Variants in KCNG1 observed in about 807,000 individuals in gnomAD.
The protein encoded by KCNG1 is voltage-gated potassium channel regulatory subunit KCNG1.
KCNG1 carries 17 observed loss-of-function variants against 32.4 expected under a neutral mutation model. The ratio of observed to expected loss-of-function variants is 0.52; its 90% CI spans 0.36 to 0.79. The LOEUF (loss-of-function observed/expected upper bound fraction) is 0.79. Among genes scored for constraint, KCNG1 ranks in the 30% least tolerant of loss-of-function variants. KCNG1 has a pLI of 0.00. For synonymous variants in KCNG1, 358 were observed against 339.9 expected (o/e 1.05, Z -0.59); for missense variants, 441 against 735.2 (o/e 0.60, Z 4.63).
Position 51,003,816 on chromosome 20 carries a change from C to G in KCNG1, c.*223G>C, listed in dbSNP as rs2123197800. 1.8e-6 allele frequency: 1 copy of G among 555,610 alleles called. No homozygotes were observed. The highest frequency in any genetic ancestry group is 3.0e-5 in the East Asian group (1 of 33,016). The allele number at this position is 555,610 out of a possible 1,614,324, so 34.4% of individuals were successfully genotyped here. A position where few individuals can be genotyped will look rare whatever the true frequency, so the allele number is the denominator to read the frequency against. ...GGTGGGCGGGGCTGGGCTGATGACCCAGCTTCCTTTCACGGCTGCAGGCGG... is the reference window on the plus strand; with the variant it reads ...GGTGGGCGGGGCTGGGCTGATGACCGAGCTTCCTTTCACGGCTGCAGGCGG... On this transcript the variant is annotated 3_prime_UTR_variant, in exon 3 of 3. Coordinates refer to ENST00000371571, the MANE Select transcript of KCNG1 (RefSeq NM_002237.4).
rs750851010 is a variant in KCNG1 at position 51,015,343 on chromosome 20, G to T, written c.-26-4979C>A. Reference sequence around the variant, plus strand: ...ATGGTGAGCTGAGTCAGAGGAAGCTGTTCCTGGCTGTGGGATTATGGACAG... The same window carrying T: ...ATGGTGAGCTGAGTCAGAGGAAGCTTTTCCTGGCTGTGGGATTATGGACAG... On this transcript the variant is annotated intron_variant, in intron 1 of 2. Coordinates refer to ENST00000371571, the MANE Select transcript of KCNG1 (RefSeq NM_002237.4). The surrounding 1 kb of genome is among the most constrained non-coding windows in gnomAD (Gnocchi z 4.4). Among the ~76,000 whole-genome samples the T allele has an allele frequency of 1.8e-4, 27 of 152,174 alleles. No homozygotes were observed. The highest frequency in any genetic ancestry group is 5.9e-4 in the Admixed American group (9 of 15,284).
chr20:51,013,592 C>G (rs1325000160), intron 1 of KCNG1: 1 of 152,156 alleles, frequency 6.6e-6, no homozygotes, highest in Non-Finnish European at 1.5e-5. Context: ...TTTACAAAAG[C>G]ACATCATCCC....
chr20:51,010,252 G>A lies in KCNG1; in HGVS notation c.87C>T (p.Leu29=), dbSNP rs746064109. The A allele has an allele frequency of 7.2e-6, 11 of 1,536,262 alleles. No individual in the cohort carries two copies. Among genetic ancestry groups the A allele is most frequent in the African/African-American group, 6.9e-5 (5 of 72,900 alleles). The change falls in exon 2 of 3, where the codon CTC becomes CTT. Residue 29 remains leucine, a synonymous_variant. Coordinates refer to ENST00000371571, the MANE Select transcript of KCNG1 (RefSeq NM_002237.4). ...CGCCCTTGATGGCCTGGCGCTGCGG[G>A]AGGAAGGCCGGGTGGAAGGAGGCGT... ...TSDASFHPAF[L]PQRQAIKGAF... is the part of the protein sequence containing the mutation.
rs759890083 is a variant in KCNG1, at chr20:51,004,059, C to A, written c.1522G>T (p.Asp508Tyr). The change falls in exon 3 of 3, where the codon GAC becomes TAC. Residue 508 changes from aspartate to tyrosine, a missense_variant. By Grantham distance (160) the Asp-to-Tyr change is radical. Around this residue, in one of 6 missense-constraint regions of KCNG1, gnomAD observed 53 missense variants for 79.1 expected, o/e 0.67. Coordinates refer to ENST00000371571, the MANE Select transcript of KCNG1 (RefSeq NM_002237.4). This position sits in a 1 kb window ranked among gnomAD's most constrained non-coding sequence, Gnocchi z 4.3. ...CGCGCTCAGTTATTGTCTCTGGTGTCCGAGGAGGCACTTCCGAACAAGATG... is the reference window on the plus strand; with the variant it reads ...CGCGCTCAGTTATTGTCTCTGGTGTACGAGGAGGCACTTCCGAACAAGATG... ...SDILFGSASS[D>Y]TRDNN The A allele has an allele frequency of 2.5e-6, 4 of 1,614,134 alleles. No homozygotes were observed. The highest frequency in any genetic ancestry group is 3.4e-6 in the Non-Finnish European group (4 of 1,179,980).
chr20:51,015,882 T>G lies in KCNG1; in HGVS notation c.-26-5518A>C, dbSNP rs1988264526. ...GATGGAGCGGCAGAGGGCTGCGGCA[T>G]GAGAATGACTCCACTGGCCACTGCT... On this transcript the variant is annotated intron_variant, in intron 1 of 2. Coordinates refer to ENST00000371571, the MANE Select transcript of KCNG1 (RefSeq NM_002237.4). The surrounding 1 kb of genome is among the most constrained non-coding windows in gnomAD (Gnocchi z 4.4). Among the ~76,000 whole-genome samples the G allele has an allele frequency of 6.6e-6, 1 of 152,082 alleles. No homozygotes were observed. The highest frequency in any genetic ancestry group is 2.1e-4 in the South Asian group (1 of 4,832).
chr20:51,009,792 C>G lies in KCNG1; in HGVS notation c.547G>C (p.Glu183Gln), dbSNP rs1315371780. The change falls in exon 2 of 3, where the codon GAG becomes CAG. Residue 183 changes from glutamate (E) to glutamine (Q), a missense_variant. By Grantham distance (29) the Glu-to-Gln change is conservative. Coordinates refer to ENST00000371571, the MANE Select transcript of KCNG1 (RefSeq NM_002237.4). Reference sequence around the variant, plus strand: ...CTGTCCAGCGCGTCGTCCTCTTCCTCCCGCTCCACCATCTCCGCGAACTCC... The same window carrying G: ...CTGTCCAGCGCGTCGTCCTCTTCCTGCCGCTCCACCATCTCCGCGAACTCC... ...IEEFAEMVER[E>Q]EEDDALDSEG... 1.2e-6 allele frequency: 2 copies of G among 1,612,206 alleles called. No individual in the cohort carries two copies. Among genetic ancestry groups the G allele is most frequent in the Admixed American group, 1.7e-5 (1 of 60,010 alleles).
At chr20:51,012,978 T>C (rs1988149835) in intron 1 of KCNG1, among the ~76,000 whole-genome samples, 1 of 152,152 alleles carries the variant, frequency 6.6e-6, no homozygotes, top group South Asian at 2.1e-4. Flanking sequence ...CATAGAGAAG[T>C]TAGTAGGAGT....
chr20:51,018,945 C>T (rs377449537), intron 1 of KCNG1, among the ~76,000 whole-genome samples: 4 of 151,970 alleles, frequency 2.6e-5, no homozygotes, highest in African/African-American at 4.8e-5. Context: ...TTCATATGGA[C>T]GAGATTTTGG....
chr20:51,014,976 G>A (rs753947040), intron 1 of KCNG1, among the ~76,000 whole-genome samples: 1 of 152,332 alleles, frequency 6.6e-6, no homozygotes, highest in Admixed American at 6.5e-5. Flanking sequence ...GCGAGGGGAA[G>A]CTGGGAGAAG....
intron 1 of KCNG1, among the ~76,000 whole-genome samples, chr20:51,018,097 C>T (rs1021611975): frequency 2.0e-5 from 3 of 152,290 alleles, no homozygotes; most frequent in African/African-American, 7.2e-5. Flanking sequence ...CACGTGACCA[C>T]CCTGAGGTCA....
Position 51,017,964 on chromosome 20 carries a change from C to T in KCNG1, c.-27+4906G>A, listed in dbSNP as rs535417781. On this transcript the variant is annotated intron_variant, in intron 1 of 2. Coordinates refer to ENST00000371571, the MANE Select transcript of KCNG1 (RefSeq NM_002237.4). ...CCCAGAGATCCACTGACACTCTCCT[C>T]GCAATTTTTCTATCTTTCCTTTGAG... Among the ~76,000 whole-genome samples, 11 of 152,324 alleles carry T rather than the reference C, an allele frequency of 7.2e-5. No homozygotes were observed. The South Asian group carries it at 2.1e-3, about 29-fold the overall frequency.
Position 51,015,486 on chromosome 20 carries a change from T to C in KCNG1, c.-26-5122A>G, listed in dbSNP as rs564551405. Among the ~76,000 whole-genome samples the C allele has an allele frequency of 5.9e-5, 9 of 152,192 alleles. No homozygotes were observed. In the South Asian group the frequency reaches 1.7e-3, roughly 28 times the overall value. Reference sequence around the variant, plus strand: ...GTTTGCGGGGGGTGAGGGTGTCACCTGGCAGCTTTGACCTGGCTAGGCTGG... The same window carrying C: ...GTTTGCGGGGGGTGAGGGTGTCACCCGGCAGCTTTGACCTGGCTAGGCTGG... On this transcript the variant is annotated intron_variant, in intron 1 of 2. Coordinates refer to ENST00000371571, the MANE Select transcript of KCNG1 (RefSeq NM_002237.4). This position sits in a 1 kb window ranked among gnomAD's most constrained non-coding sequence, Gnocchi z 4.4.
At chr20:51,009,192 T>A (rs1184263054) in intron 2 of KCNG1, among the ~76,000 whole-genome samples, 1 of 152,200 alleles carries the variant, frequency 6.6e-6, no homozygotes, top group Non-Finnish European at 1.5e-5. Context: ...GAGATAAATT[T>A]GATGATATAT....
At chr20:51,014,880 G>A (rs2123257738) in intron 1 of KCNG1, among the ~76,000 whole-genome samples, 1 of 152,268 alleles carries the variant, frequency 6.6e-6, no homozygotes. Flanking sequence ...GCCCCGTGAG[G>A]ACCTGGCAGA....
At chr20:51,016,941 A>G (rs1988300961) in intron 1 of KCNG1, among the ~76,000 whole-genome samples, 1 of 152,202 alleles carries the variant, frequency 6.6e-6, no homozygotes, top group South Asian at 2.1e-4. Flanking sequence ...AATGAGGGAA[A>G]TGAAGATGCT....
chr20:51,017,160 G>A (rs1425454548), intron 1 of KCNG1, among the ~76,000 whole-genome samples: 1 of 152,202 alleles, frequency 6.6e-6, no homozygotes, highest in Non-Finnish European at 1.5e-5. Context: ...AGGTCCCCTA[G>A]CATCCATCCC....
chr20:51,021,626 T>C (rs1223617231), intron 1 of KCNG1, among the ~76,000 whole-genome samples: 1 of 152,134 alleles, frequency 6.6e-6, no homozygotes, highest in Non-Finnish European at 1.5e-5. Flanking sequence ...TACTTCCCCC[T>C]GTACTTATCT....
chr20:51,008,317 C>T (rs892813842), intron 2 of KCNG1, among the ~76,000 whole-genome samples: 19 of 152,032 alleles, frequency 1.2e-4, no homozygotes, highest in African/African-American at 4.1e-4. Context: ...AGGGACCCAA[C>T]CTCACAATTT....
intron 1 of KCNG1, among the ~76,000 whole-genome samples, chr20:51,011,373 CAATTT>C (rs1290679546): frequency 6.6e-6 from 1 of 150,798 alleles, no homozygotes; most frequent in Non-Finnish European, 1.5e-5. Context: ...CTTGGAAAAA[CAATTT>C]AGTGTAGACC....
Sources: allele counts gnomAD v4.1 joint callset (sites outside exome capture counted in the v4.1 genomes callset), GRCh38; gene constraint gnomAD v4.1.1; regional missense constraint gnomAD v4.1.1; non-coding constraint Gnocchi (gnomAD v3.1); transcripts MANE v1.5; gene names NCBI Gene and HGNC (gene_info 2026-07-23, HGNC 2026-07-21).